Variants in RFX2 observed in about 807,000 individuals in gnomAD.
The protein encoded by RFX2 is DNA-binding protein RFX2.
In RFX2, 20 loss-of-function variants were observed where a neutral mutation model predicts 87.8. The ratio of observed to expected loss-of-function variants is 0.23; its 90% CI spans 0.16 to 0.33. RFX2 has a LOEUF of 0.33. RFX2 is among the 10% of genes least tolerant of loss of function. The pLI, the probability that RFX2 is intolerant of heterozygous loss-of-function variation, is 1.00. For missense variants in RFX2, 767 were observed against 1,012.3 expected (o/e 0.76, Z 3.29); for synonymous variants, 397 against 431.3 (o/e 0.92, Z 0.98).
In RFX2 at chr19:6,056,318, TTG is replaced by T. The variant is rs1568527398; in HGVS notation, c.-8-8816_-8-8815del. On this transcript the variant is annotated intron_variant, in intron 1 of 17. Coordinates refer to ENST00000303657, the MANE Select transcript of RFX2 (RefSeq NM_000635.4). This position sits in a 1 kb window ranked among gnomAD's most constrained non-coding sequence, Gnocchi z 4.6. ...TGGTGGCTTCATAAGTTTCATTGCATTGTGTATTTACTTTGTGGATGTTTGAA... is the reference window on the plus strand; with the variant it reads ...TGGTGGCTTCATAAGTTTCATTGCATTGTATTTACTTTGTGGATGTTTGAA... Among the ~76,000 whole-genome samples, 1 of 152,340 alleles carries T rather than the reference TTG, an allele frequency of 6.6e-6. No individual in the cohort carries two copies. Among genetic ancestry groups the T allele is most frequent in the East Asian group, 1.9e-4 (1 of 5,186 alleles).
intron 1 of RFX2, among the ~76,000 whole-genome samples, chr19:6,077,392 T>C (rs963939949): frequency 6.6e-6 from 1 of 151,722 alleles, no homozygotes. Flanking sequence ...CTGGGGCAGG[T>C]GGGCTGGGCT....
At chr19:6,093,566 A>T (rs2087976563) in intron 1 of RFX2, among the ~76,000 whole-genome samples, 1 of 152,138 alleles carries the variant, frequency 6.6e-6, no homozygotes, top group African/African-American at 2.4e-5. Context: ...ATAAAAGGCT[A>T]AGTAAGTACT....
chr19:6,041,878 A>T (rs1318730029), intron 4 of RFX2, among the ~76,000 whole-genome samples, 166 bp downstream of exon 4: 12 of 152,124 alleles, frequency 7.9e-5, no homozygotes, highest in African/African-American at 1.2e-4. Context: ...TAATTTTAAA[A>T]TTTTTTGTAG....
chr19:6,055,181 A>C (rs893792375), intron 1 of RFX2, among the ~76,000 whole-genome samples: 1 of 152,208 alleles, frequency 6.6e-6, no homozygotes, highest in Non-Finnish European at 1.5e-5. Context: ...GAATGGCTAA[A>C]CCTGACAAGT....
chr19:6,035,852 T>G lies in RFX2; in HGVS notation c.522+4128A>C, dbSNP rs752555626. Among the ~76,000 whole-genome samples, 108 of 107,916 alleles carry G rather than the reference T, an allele frequency of 1.0e-3. 1 individual carries two copies. The highest frequency in any genetic ancestry group is 6.8e-3 in the South Asian group (25 of 3,658). The allele number at this position is 107,916 out of a possible 152,430, so 70.8% of individuals were successfully genotyped here. A position where few individuals can be genotyped will look rare whatever the true frequency, so the allele number is the denominator to read the frequency against. On this transcript the variant is annotated intron_variant, in intron 5 of 17. Transcript: ENST00000303657. ...GACTCCCCCAGAGCTTGGTGGGGGG[T>G]GTGTGTGTGTGTGTGTGTGTGTGTG...
Position 6,047,369 on chromosome 19 carries a change from C to G in RFX2, c.90+38G>C. On this transcript the variant is annotated intron_variant, in intron 2 of 17. Transcript: ENST00000303657. The surrounding 1 kb of genome is among the most constrained non-coding windows in gnomAD (Gnocchi z 4.2). The stretch of plus-strand genomic sequence containing the variant: ...CAAACCCATAGAGATCGCGTCCACA[C>G]TGTGGCCACCCTGTTGTTGCTGAGA... The G allele has an allele frequency of 6.5e-7, 1 of 1,548,576 alleles. No individual in the cohort carries two copies. Among genetic ancestry groups the G allele is most frequent in the Non-Finnish European group, 8.8e-7 (1 of 1,135,210 alleles).
rs562916184 is a variant in RFX2, at chr19:6,074,155, G to C, written c.-8-26651C>G. ...AATGAAGGGCAGCTCTGCCCAAAGCGGCGGACCAGGTGGGCAAACAGAGAG... is the reference window on the plus strand; with the variant it reads ...AATGAAGGGCAGCTCTGCCCAAAGCCGCGGACCAGGTGGGCAAACAGAGAG... On this transcript the variant is annotated intron_variant, in intron 1 of 17. Transcript: ENST00000303657. This position sits in a 1 kb window ranked among gnomAD's most constrained non-coding sequence, Gnocchi z 5.2. Among the ~76,000 whole-genome samples the C allele has an allele frequency of 1.3e-5, 2 of 152,182 alleles. No homozygotes were observed. Among genetic ancestry groups the C allele is most frequent in the Non-Finnish European group, 2.9e-5 (2 of 68,032 alleles).
Position 6,050,371 on chromosome 19 carries a change from A to G in RFX2, c.-8-2867T>C, listed in dbSNP as rs1325715702. Among the ~76,000 whole-genome samples the G allele has an allele frequency of 6.6e-6, 1 of 152,246 alleles. No individual in the cohort carries two copies. Among genetic ancestry groups the G allele is most frequent in the Non-Finnish European group, 1.5e-5 (1 of 68,046 alleles). ...ACAAATAAAAAGAAAAAAGAAAAGC[A>G]GTTAATTATAACCAAACGCAAGATA... On this transcript the variant is annotated intron_variant, in intron 1 of 17. Transcript: ENST00000303657. The surrounding 1 kb of genome is among the most constrained non-coding windows in gnomAD (Gnocchi z 4.6).
chr19:6,057,160 A>G (rs1336568650), intron 1 of RFX2: 1 of 152,208 alleles, frequency 6.6e-6, no homozygotes, highest in Non-Finnish European at 1.5e-5. Context: ...CCAGATGCGC[A>G]CTTGACCTTT....
intron 3 of RFX2, 94 bp from the exon 4 acceptor site, chr19:6,042,217 G>T: frequency 9.2e-7 from 1 of 1,084,932 alleles, no homozygotes; most frequent in Non-Finnish European, 1.4e-6. Context: ...TTGCCTTTAT[G>T]AACATTTAGT....
At chr19:6,092,670 G>A (rs927152746) in intron 1 of RFX2, among the ~76,000 whole-genome samples, 2 of 151,502 alleles carry the variant, frequency 1.3e-5, no homozygotes, top group African/African-American at 4.9e-5. Context: ...AGTCACACGT[G>A]GACTGTAGGA....
Position 6,063,169 on chromosome 19 carries a change from C to T in RFX2, c.-8-15665G>A, listed in dbSNP as rs981779544. Among the ~76,000 whole-genome samples, 9 of 152,146 alleles carry T rather than the reference C, an allele frequency of 5.9e-5. No homozygotes were observed. Among genetic ancestry groups the T allele is most frequent in the Non-Finnish European group, 8.8e-5 (6 of 68,016 alleles). Reference sequence around the variant, plus strand: ...CTGGCGCCTGCTCTGTGGGGAAAGCCGGGCTTCCTCTGATTCCGGATGGAG... The same window carrying T: ...CTGGCGCCTGCTCTGTGGGGAAAGCTGGGCTTCCTCTGATTCCGGATGGAG... On this transcript the variant is annotated intron_variant, in intron 1 of 17. Transcript: ENST00000303657. This position sits in a 1 kb window ranked among gnomAD's most constrained non-coding sequence, Gnocchi z 4.0.
At chr19:6,035,143 AC>A (rs1298224395) in intron 5 of RFX2, among the ~76,000 whole-genome samples, 6 of 152,184 alleles carry the variant, frequency 3.9e-5, no homozygotes, top group Admixed American at 6.5e-5. Flanking sequence ...AAAGATAAAG[AC>A]TTTTTGTCTT....
In RFX2 at chr19:6,056,017, G is replaced by GT. The variant is rs1259873882; in HGVS notation, c.-8-8514dup. Among the ~76,000 whole-genome samples, 1 of 152,078 alleles carries GT rather than the reference G, an allele frequency of 6.6e-6. No individual in the cohort carries two copies. Among genetic ancestry groups the GT allele is most frequent in the Non-Finnish European group, 1.5e-5 (1 of 68,014 alleles). ...AGTTAAAAAAAAATCATAATAGTGG[G>GT]TGGGGGGGCAGGTGGCGGTGGGCGA... On this transcript the variant is annotated intron_variant, in intron 1 of 17. Transcript: ENST00000303657. The surrounding 1 kb of genome is among the most constrained non-coding windows in gnomAD (Gnocchi z 4.6).
rs2087208060 is a variant in RFX2 at position 6,047,444 on chromosome 19, G to A, written c.53C>T (p.Pro18Leu). Reference protein sequence around the residue: ...ADSPASVALRPSAAAPPVPAS... With the variant: ...ADSPASVALRLSAAAPPVPAS... ...TGGCACAGGCGGGGCTGCCGCCGAGGGACGCAGAGCCACGGACGCTGGCGA... is the reference window on the plus strand; with the variant it reads ...TGGCACAGGCGGGGCTGCCGCCGAGAGACGCAGAGCCACGGACGCTGGCGA... The change falls in exon 2 of 18, where the codon CCC becomes CTC. Residue 18 changes from proline (P) to leucine (L), a missense_variant. This residue lies in a region of RFX2 where 146 missense variants were observed against 139.2 expected (regional missense o/e 1.05). Transcript: ENST00000303657. This position sits in a 1 kb window ranked among gnomAD's most constrained non-coding sequence, Gnocchi z 4.2. 1 of 1,604,590 alleles carries A rather than the reference G, an allele frequency of 6.2e-7. No homozygotes were observed. Among genetic ancestry groups the A allele is most frequent in the Non-Finnish European group, 8.5e-7 (1 of 1,175,818 alleles).
At chr19:6,073,212 T>C (rs1276997770) in intron 1 of RFX2, 1 of 540,730 alleles carries the variant, frequency 1.8e-6, no homozygotes, top group Admixed American at 2.5e-5. Flanking sequence ...ACTCCTGACC[T>C]CAGGTGATCC....
At position 6,007,314 on chromosome 19, in the gene RFX2, C is replaced by T; in HGVS notation, c.1248-148G>A. ...CCCATCCCTGAGCCTCGATGGGTCC[C>T]CTCCCTCCATGTTGCTCCCGGCGCC... On this transcript the variant is annotated intron_variant, in intron 11 of 17. Transcript: ENST00000303657. This position sits in a 1 kb window ranked among gnomAD's most constrained non-coding sequence, Gnocchi z 8.2. The T allele has an allele frequency of 1.3e-6, 1 of 761,156 alleles. No homozygotes were observed. Among genetic ancestry groups the T allele is most frequent in the East Asian group, 2.7e-5 (1 of 36,962 alleles). 47.2% of individuals were successfully genotyped at this position (761,156 alleles called of 1,614,324 possible).
chr19:6,093,759 G>C (rs1276104908), intron 1 of RFX2, among the ~76,000 whole-genome samples: 2 of 151,816 alleles, frequency 1.3e-5, no homozygotes, highest in African/African-American at 4.8e-5. Flanking sequence ...TATTAGTCCA[G>C]CCATGAAAAG....
chr19:6,101,113 G>A lies in RFX2; in HGVS notation c.-9+9280C>T, dbSNP rs185741950. 3.9e-4 allele frequency among the ~76,000 whole-genome samples: 59 copies of A among 152,162 alleles called. No homozygotes were observed. Among genetic ancestry groups the A allele is most frequent in the African/African-American group, 1.3e-3 (52 of 41,508 alleles). ...TCCACATGACGATATATTAATACAC[G>A]TAAATGCTTAACTAATTATAAGCTC... On this transcript the variant is annotated intron_variant, in intron 1 of 17. Coordinates refer to ENST00000303657, the MANE Select transcript of RFX2 (RefSeq NM_000635.4). This position sits in a 1 kb window ranked among gnomAD's most constrained non-coding sequence, Gnocchi z 4.9.
Sources: allele counts gnomAD v4.1 joint callset (sites outside exome capture counted in the v4.1 genomes callset), GRCh38; gene constraint gnomAD v4.1.1; regional missense constraint gnomAD v4.1.1; non-coding constraint Gnocchi (gnomAD v3.1); transcripts MANE v1.5; gene names NCBI Gene and HGNC (gene_info 2026-07-23, HGNC 2026-07-21).